The following LHFPL4 variants were observed in gnomAD, a reference collection of about 807,000 sequenced individuals.
The protein encoded by LHFPL4 is LHFPL tetraspan subfamily member 4 protein.
A neutral mutation model predicts 20.0 loss-of-function variants in LHFPL4; 6 were observed. The ratio of observed to expected loss-of-function variants is 0.30; its 90% confidence interval spans 0.16 to 0.59. The LOEUF (loss-of-function observed/expected upper bound fraction) is 0.59. LHFPL4 is among the 20% of genes least tolerant of loss of function. The pLI is 0.88. For missense variants in LHFPL4, 215 were observed against 331.2 expected (o/e 0.65, Z 2.72); for synonymous variants, 129 against 143.8 (o/e 0.90, Z 0.74).
Position 9,502,225 on chromosome 3 carries a change from A to G in LHFPL4, c.730T>C (p.Ser244Pro). 2 of 1,613,672 alleles carry G rather than the reference A, an allele frequency of 1.2e-6. No homozygotes were observed. The highest frequency in any genetic ancestry group is 1.7e-6 in the Non-Finnish European group (2 of 1,179,646). ...WGVLPCPVAHSQGP is the reference protein window; with the variant it reads ...WGVLPCPVAHPQGP ...ATCCTGGCCTTTCAGGGTCCCTGTG[A>G]GTGAGCCACGGGGCAGGGAAGGACT... Residue 244 changes from serine to proline, a missense_variant, in exon 4 of 4, where the codon TCA (serine) becomes CCA (proline). By Grantham distance (74) the Ser-to-Pro change is moderately conservative (BLOSUM62 -1). Coordinates refer to ENST00000287585, the MANE Select transcript of LHFPL4 (RefSeq NM_198560.3).
rs995960973 is a variant in LHFPL4, at chr3:9,523,374, T to A, written c.407-17171A>T. On this transcript the variant is annotated intron_variant, in intron 2 of 3. Transcript: ENST00000287585. ...GTAGCTTGGGAGACAGAGTGAGACT[T>A]CGTCTCAAAAAAAGAAAAAGAAAAA... Among the ~76,000 whole-genome samples, 8 of 148,656 alleles carry A rather than the reference T, an allele frequency of 5.4e-5. No homozygotes were observed. The South Asian group carries it at 8.5e-4, about 16-fold the overall frequency.
rs148452179 is a variant in LHFPL4 at position 9,506,577 on chromosome 3, A to G, written c.407-374T>C. Among the ~76,000 whole-genome samples the G allele has an allele frequency of 1.6e-4, 24 of 151,984 alleles. No individual in the cohort carries two copies. Among genetic ancestry groups the G allele is most frequent in the African/African-American group, 4.6e-4 (19 of 41,434 alleles). On this transcript the variant is annotated intron_variant, in intron 2 of 3. Coordinates refer to ENST00000287585, the MANE Select transcript of LHFPL4 (RefSeq NM_198560.3). The surrounding 1 kb of genome is among the most constrained non-coding windows in gnomAD (Gnocchi z 4.5). Reference sequence around the variant, plus strand: ...CTCTCCCATCCTCATTATTATTATTATTGTTGTCGTTGTTGTTGTTTGAGA... The same window carrying G: ...CTCTCCCATCCTCATTATTATTATTGTTGTTGTCGTTGTTGTTGTTTGAGA...
chr3:9,500,969 G>A lies in LHFPL4; in HGVS notation c.*1242C>T, dbSNP rs772982201. 4 of 152,854 alleles carry A rather than the reference G, an allele frequency of 2.6e-5. No individual in the cohort carries two copies. The highest frequency in any genetic ancestry group is 5.8e-5 in the Non-Finnish European group (4 of 68,580). The allele number at this position is 152,854 out of a possible 1,614,324, so 9.5% of individuals were successfully genotyped here. ...CACACACACACACACACGCTCACAC[G>A]CGCACACACACGCACACACATTTCA... On this transcript the variant is annotated 3_prime_UTR_variant, in exon 4 of 4. Coordinates refer to ENST00000287585, the MANE Select transcript of LHFPL4 (RefSeq NM_198560.3).
rs543214343 is a variant in LHFPL4 at position 9,539,095 on chromosome 3, A to G, written c.406+13179T>C. Among the ~76,000 whole-genome samples the G allele has an allele frequency of 5.9e-5, 9 of 152,248 alleles. No individual in the cohort carries two copies. In the South Asian group the frequency reaches 1.9e-3, roughly 32 times the overall value. ...TCAGATATCATCATTAATTCATTCA[A>G]TAGACATTAATTAAGCACCTATATG... On this transcript the variant is annotated intron_variant, in intron 2 of 3. Transcript: ENST00000287585.
chr3:9,523,316 G>A (rs1361913483), intron 2 of LHFPL4, among the ~76,000 whole-genome samples: 19 of 151,316 alleles, frequency 1.3e-4, no homozygotes, highest in African/African-American at 4.4e-4. Context: ...GGGAGGCGGA[G>A]GTTGCAGTGA....
At chr3:9,538,515 T>G (rs1308638719) in intron 2 of LHFPL4, among the ~76,000 whole-genome samples, 1 of 152,196 alleles carries the variant, frequency 6.6e-6, no homozygotes, top group Non-Finnish European at 1.5e-5. Flanking sequence ...TAACGTTTAT[T>G]AAGTGTTTTG....
rs1559517250 is a variant in LHFPL4 at position 9,517,805 on chromosome 3, TTTG to T, written c.407-11605_407-11603del. On this transcript the variant is annotated intron_variant, in intron 2 of 3. Transcript: ENST00000287585. ...TATAGGAGGTTGGGTTTTTTTGTTT[TTTG>T]TTTTTTTTTTTTTGCTTGATTCTCT... Among the ~76,000 whole-genome samples, 27 of 141,884 alleles carry T rather than the reference TTTG, an allele frequency of 1.9e-4. 2 individuals carry two copies. The highest frequency in any genetic ancestry group is 3.4e-4 in the African/African-American group (13 of 38,674). 93.1% of individuals were successfully genotyped at this position (141,884 alleles called of 152,430 possible).
intron 2 of LHFPL4, among the ~76,000 whole-genome samples, chr3:9,548,698 A>G (rs2046533553): frequency 6.6e-6 from 1 of 152,044 alleles, no homozygotes; most frequent in Non-Finnish European, 1.5e-5. Context: ...CAGTGCTCAC[A>G]CTTGATTTAT....
intron 2 of LHFPL4, among the ~76,000 whole-genome samples, chr3:9,526,365 A>T (rs2046375328): frequency 6.6e-6 from 1 of 152,220 alleles, no homozygotes; most frequent in Non-Finnish European, 1.5e-5. Context: ...GCACCAAAAG[A>T]CAGTAAAAAT....
At chr3:9,529,243 G>A (rs1015349257) in intron 2 of LHFPL4, among the ~76,000 whole-genome samples, 1 of 151,656 alleles carries the variant, frequency 6.6e-6, no homozygotes, top group African/African-American at 2.4e-5. Context: ...TGGCCAGGCT[G>A]GTCTCGAACT....
chr3:9,535,512 G>A (rs140055920), intron 2 of LHFPL4, among the ~76,000 whole-genome samples: 16 of 149,192 alleles, frequency 1.1e-4, no homozygotes, highest in African/African-American at 2.2e-4. Flanking sequence ...CTAAGACTAC[G>A]GGTGTAATTC....
At chr3:9,525,790 A>T (rs1483981927) in intron 2 of LHFPL4, among the ~76,000 whole-genome samples, 1 of 152,224 alleles carries the variant, frequency 6.6e-6, no homozygotes, top group Non-Finnish European at 1.5e-5. Flanking sequence ...AAAATGGGAA[A>T]CATGCCAGAC....
At chr3:9,523,029 A>T (rs1314271579) in intron 2 of LHFPL4, among the ~76,000 whole-genome samples, 1 of 133,238 alleles carries the variant, frequency 7.5e-6, no homozygotes, top group Non-Finnish European at 1.6e-5. Context: ...CAACAGAGCG[A>T]GACTCCGTCT....
chr3:9,551,405 G>A (rs182441651), intron 2 of LHFPL4, among the ~76,000 whole-genome samples: 1 of 142,044 alleles, frequency 7.0e-6, no homozygotes, highest in Non-Finnish European at 1.5e-5. Flanking sequence ...TTAGGCAAAA[G>A]CCCAAGTTGC....
chr3:9,530,010 T>A (rs945642139), intron 2 of LHFPL4, among the ~76,000 whole-genome samples: 2 of 147,888 alleles, frequency 1.4e-5, no homozygotes, highest in South Asian at 2.1e-4. Flanking sequence ...TGTAAACACA[T>A]GTGCTGTCAT....
In LHFPL4 at chr3:9,502,019, T is replaced by G; in HGVS notation, c.*192A>C. The G allele has an allele frequency of 1.6e-6, 1 of 607,590 alleles. No individual in the cohort carries two copies. 37.6% of individuals were successfully genotyped at this position (607,590 alleles called of 1,614,324 possible). A position where few individuals can be genotyped will look rare whatever the true frequency, so the allele number is the denominator to read the frequency against. On this transcript the variant is annotated 3_prime_UTR_variant, in exon 4 of 4. Coordinates refer to ENST00000287585, the MANE Select transcript of LHFPL4 (RefSeq NM_198560.3). ...GAGCAAGAATTAGACCCTCCCAAGG[T>G]TTGGAGGGCCTCTCCTCTCCCCCAG...
At chr3:9,528,020 G>A (rs2648596) in intron 2 of LHFPL4, among the ~76,000 whole-genome samples, 28,887 of 152,012 alleles carry the variant, frequency 0.19, 3,416 homozygotes, top group East Asian at 0.41. Context: ...AACCCAATGT[G>A]TATACCTTAG....
At chr3:9,503,462 A>G (rs2046193585) in intron 3 of LHFPL4, among the ~76,000 whole-genome samples, 1 of 152,214 alleles carries the variant, frequency 6.6e-6, no homozygotes, top group African/African-American at 2.4e-5. Flanking sequence ...TCAGGTATTT[A>G]GAACCTGCCT....
At chr3:9,513,182 G>A (rs1475531356) in intron 2 of LHFPL4, among the ~76,000 whole-genome samples, 3 of 152,136 alleles carry the variant, frequency 2.0e-5, no homozygotes, top group East Asian at 3.9e-4. Flanking sequence ...GGATGGTCTC[G>A]ATCTCTTGAC....
Sources: gnomAD v4.1 joint callset for allele counts (sites outside exome capture counted in the v4.1 genomes callset) on GRCh38, gnomAD v4.1.1 for gene constraint, Gnocchi (gnomAD v3.1) non-coding constraint, MANE v1.5 for transcripts, NCBI Gene and HGNC (gene_info 2026-07-23, HGNC 2026-07-21) for gene names.